Variants in MDN1 observed in about 807,000 individuals in gnomAD.
The protein encoded by MDN1 is midasin.
Under a neutral mutation model 669.2 loss-of-function variants are expected in MDN1, and 266 were observed. That is an observed-to-expected ratio of 0.40 (90% CI 0.36 to 0.44). The LOEUF (loss-of-function observed/expected upper bound fraction) is 0.44, where lower values mean the gene tolerates loss of function less well. Ranked by LOEUF, MDN1 falls within the 20% of genes least tolerant of loss-of-function variation. The probability of loss-of-function intolerance (pLI) is 1.00; values close to 1 mark genes in which losing one functional copy is unlikely to be tolerated. For synonymous variants in MDN1, 2,385 were observed against 2,457.1 expected (o/e 0.97, Z 0.87); for missense variants, 5,940 against 6,754.0 (o/e 0.88, Z 4.22).
intron 7 of MDN1, among the ~76,000 whole-genome samples, chr6:89,789,110 C>G (rs933719183): frequency 6.8e-6 from 1 of 146,788 alleles, no homozygotes; most frequent in African/African-American, 2.5e-5. Context: ...GTCAACAGAG[C>G]AAGACTCTGT....
chr6:89,676,117 T>C lies in MDN1; in HGVS notation c.12630A>G (p.Leu4210=). Residue 4210 remains leucine (L), a synonymous_variant, in exon 77 of 102, where the codon CTA becomes CTG. Coordinates refer to ENST00000369393, the MANE Select transcript of MDN1 (RefSeq NM_014611.3). ...LARHARLNAA[L]ATPAKEMGMG... Reference sequence around the variant, plus strand: ...ATCATTCTACCTTGGCAGGAGTTGCTAGTGCTGCGTTAAGCCTGGCATGCC... The same window carrying C: ...ATCATTCTACCTTGGCAGGAGTTGCCAGTGCTGCGTTAAGCCTGGCATGCC... 1 of 1,614,192 alleles carries C rather than the reference T, an allele frequency of 6.2e-7. No homozygotes were observed. The highest frequency in any genetic ancestry group is 1.1e-5 in the South Asian group (1 of 91,078).
Position 89,740,253 on chromosome 6 carries a change from C to T in MDN1, c.4574G>A (p.Gly1525Asp), listed in dbSNP as rs763476196. 1 of 1,611,458 alleles carries T rather than the reference C, an allele frequency of 6.2e-7. No homozygotes were observed. Among genetic ancestry groups the T allele is most frequent in the African/African-American group, 1.3e-5 (1 of 74,776 alleles). The change falls in exon 32 of 102, where the codon GGT becomes GAT. Residue 1525 changes from glycine to aspartate, a missense_variant. Coordinates refer to ENST00000369393, the MANE Select transcript of MDN1 (RefSeq NM_014611.3). ...TTTTACCTCCTTTTTTCCAAAGTCA[C>T]CCCCAGGGTTCATGGTTGCTAGAAT... ...FRILATMNPG[G>D]DFGKKELSPA...
At chr6:89,656,662 C>G in intron 91 of MDN1, 38 bp downstream of exon 91, 2 of 1,356,154 alleles carry the variant, frequency 1.5e-6, no homozygotes, top group Non-Finnish European at 2.0e-6. Flanking sequence ...TTTCTACATG[C>G]TGCCTTCACC....
intron 43 of MDN1, 136 bp from the exon 44 acceptor site, chr6:89,716,945 G>T: frequency 9.9e-7 from 1 of 1,015,042 alleles, no homozygotes; most frequent in Non-Finnish European, 1.4e-6. Flanking sequence ...AGAATGTTTT[G>T]CTTCTGTTTA....
In MDN1 at chr6:89,674,148, G is replaced by A. The variant is rs558069999; in HGVS notation, c.13203C>T (p.Val4401=). 4.3e-6 allele frequency: 7 copies of A among 1,614,118 alleles called. No homozygotes were observed. The highest frequency in any genetic ancestry group is 2.2e-5 in the South Asian group (2 of 91,084). ...CACAAGACTGCTGTCTAATTTTGTC[G>A]ACGTCAGCTTTCACTGTTTTAATGG... ...LKTIKTVKAD[V]DKIRQQSCET... The change falls in exon 79 of 102, where the codon GTC becomes GTT. Residue 4401 remains valine (V), a synonymous_variant. Transcript: ENST00000369393.
At chr6:89,691,720 T>A (rs891664432) in intron 63 of MDN1, among the ~76,000 whole-genome samples, 2 of 152,234 alleles carry the variant, frequency 1.3e-5, no homozygotes, top group Non-Finnish European at 2.9e-5. Context: ...ATGAAGTTTT[T>A]AAAAGCAAAC....
chr6:89,806,870 G>A (rs1255139399), intron 1 of MDN1, among the ~76,000 whole-genome samples: 2 of 151,526 alleles, frequency 1.3e-5, no homozygotes, highest in African/African-American at 4.9e-5. Context: ...ACTAAGCCAT[G>A]ATCGTGCCCA....
intron 13 of MDN1, among the ~76,000 whole-genome samples, chr6:89,774,120 T>C (rs1024010573): frequency 6.6e-6 from 1 of 152,166 alleles, no homozygotes; most frequent in African/African-American, 2.4e-5. Flanking sequence ...AATAATGTCA[T>C]TGTTTAAAAC....
intron 74 of MDN1, among the ~76,000 whole-genome samples, chr6:89,679,507 A>G (rs1811454795): frequency 6.6e-6 from 1 of 152,190 alleles, no homozygotes; most frequent in Admixed American, 6.5e-5. Flanking sequence ...ATCTGGAGAC[A>G]GGGCCTTTAG....
At chr6:89,707,166 G>C (rs1173060110) in intron 52 of MDN1, among the ~76,000 whole-genome samples, 195 bp downstream of exon 52, 2 of 152,180 alleles carry the variant, frequency 1.3e-5, no homozygotes, top group African/African-American at 4.8e-5. Flanking sequence ...AAAGCATTTA[G>C]CTAAGCACCT....
intron 34 of MDN1, among the ~76,000 whole-genome samples, chr6:89,731,384 T>A (rs1815581377): frequency 6.6e-6 from 1 of 152,124 alleles, no homozygotes; most frequent in Non-Finnish European, 1.5e-5. Flanking sequence ...AATGATAGAC[T>A]GGATAAAGAA....
chr6:89,786,247 G>C (rs1476857763), intron 8 of MDN1, among the ~76,000 whole-genome samples: 1 of 151,896 alleles, frequency 6.6e-6, no homozygotes, highest in African/African-American at 2.4e-5. Context: ...GACAGAGTGA[G>C]ACTCGGTCTC....
intron 27 of MDN1, among the ~76,000 whole-genome samples, chr6:89,746,593 C>CAAAAA (rs34446722): frequency 1.5e-5 from 1 of 65,598 alleles, no homozygotes; most frequent in African/African-American, 6.1e-5. Flanking sequence ...GACTCTATCT[C>CAAAAA]AAAAAAAAAA....
At chr6:89,664,435 T>C in intron 85 of MDN1, 52 bp downstream of exon 85, 3 of 1,599,452 alleles carry the variant, frequency 1.9e-6, no homozygotes, top group Non-Finnish European at 2.6e-6. Context: ...ATTTCCTGGA[T>C]AAAATATTTA....
chr6:89,748,249 C>A (rs1030475993), intron 26 of MDN1, among the ~76,000 whole-genome samples: 1 of 152,088 alleles, frequency 6.6e-6, no homozygotes, highest in African/African-American at 2.4e-5. Flanking sequence ...TTGCTTGAAC[C>A]CGGGAGGCGG....
intron 1 of MDN1, among the ~76,000 whole-genome samples, chr6:89,804,896 C>T (rs1189997821): frequency 2.0e-5 from 3 of 151,574 alleles, no homozygotes; most frequent in African/African-American, 7.3e-5. Flanking sequence ...ATTAGCTGGG[C>T]GAGGTGGCAG....
chr6:89,743,141 G>C lies in MDN1; in HGVS notation c.4448+9C>G. On this transcript the variant is annotated intron_variant, in intron 31 of 101. Transcript: ENST00000369393. ...TATCAAACACAAGGCAAACCTCTCA[G>C]GCACGTACCTGTTGAGTCTTTCCAA... is the stretch of plus-strand genomic sequence containing the variant. 4.3e-6 allele frequency: 7 copies of C among 1,613,552 alleles called. No homozygotes were observed. Among genetic ancestry groups the C allele is most frequent in the Non-Finnish European group, 5.9e-6 (7 of 1,179,892 alleles).
Position 89,645,165 on chromosome 6 carries a change from C to A in MDN1, c.16460-8G>T. The A allele has an allele frequency of 6.3e-7, 1 of 1,579,544 alleles. No individual in the cohort carries two copies. The highest frequency in any genetic ancestry group is 8.7e-7 in the Non-Finnish European group (1 of 1,153,688). ...GGAGGAGTTGTGCAGTTTCTGTAGA[C>A]CATATAAGACGAAGCAAGGGAATAA... On this transcript the variant is annotated splice_region_variant and splice_polypyrimidine_tract_variant and intron_variant, in intron 100 of 101. Transcript: ENST00000369393.
At chr6:89,721,761 T>C (rs183379833) in intron 40 of MDN1, among the ~76,000 whole-genome samples, 1 of 152,010 alleles carries the variant, frequency 6.6e-6, no homozygotes, top group Admixed American at 6.6e-5. Context: ...CACAAGAAGA[T>C]TAAAACAATG....
Sources: gnomAD v4.1 joint callset for allele counts (sites outside exome capture counted in the v4.1 genomes callset) on GRCh38, gnomAD v4.1.1 for gene constraint, MANE v1.5 for transcripts, NCBI Gene and HGNC (gene_info 2026-07-23, HGNC 2026-07-21) for gene names.